BANK1: variants seen among roughly 807,000 people sequenced by gnomAD.
The protein encoded by BANK1 is B-cell scaffold protein with ankyrin repeats.
BANK1 carries 95 observed loss-of-function variants against 94.5 expected under a neutral mutation model. That is an observed-to-expected ratio of 1.00 (90% confidence interval 0.85 to 1.19). BANK1 has a LOEUF of 1.19. BANK1 is among the 50% of genes most tolerant of loss of function. The pLI, the probability that BANK1 is intolerant of heterozygous loss-of-function variation, is 0.00. For synonymous variants in BANK1, 334 were observed against 308.4 expected (o/e 1.08, Z -0.87); for missense variants, 987 against 932.2 (o/e 1.06, Z -0.77).
intron 7 of BANK1, among the ~76,000 whole-genome samples, chr4:101,943,170 A>G (rs1191019104): frequency 6.6e-6 from 1 of 151,982 alleles, no homozygotes; most frequent in African/African-American, 2.4e-5. Flanking sequence ...TATGTGACAT[A>G]TGACAGGAGA....
intron 11 of BANK1, among the ~76,000 whole-genome samples, chr4:102,052,875 C>T (rs574312756): frequency 6.6e-5 from 10 of 152,044 alleles, no homozygotes; most frequent in African/African-American, 2.2e-4. Context: ...TGAGGTTAGG[C>T]TGAGATGAAA....
chr4:101,800,124 T>G (rs67330256), intron 1 of BANK1, among the ~76,000 whole-genome samples: 2 of 80,556 alleles, frequency 2.5e-5, no homozygotes, highest in Non-Finnish European at 2.4e-5. Context: ...CACACCAGGG[T>G]TTGTTGTTGG....
chr4:101,975,351 T>G (rs1426883124), intron 7 of BANK1, among the ~76,000 whole-genome samples: 1 of 152,188 alleles, frequency 6.6e-6, no homozygotes, highest in Non-Finnish European at 1.5e-5. Context: ...GAGTTGTTCA[T>G]GTAAGTCTAG....
At chr4:101,883,809 T>G (rs1484171913) in intron 5 of BANK1, among the ~76,000 whole-genome samples, 1 of 152,240 alleles carries the variant, frequency 6.6e-6, no homozygotes, top group Non-Finnish European at 1.5e-5. Flanking sequence ...TCTTTACAAC[T>G]ACTATTCCAT....
chr4:101,818,648 T>A (rs1051534164), intron 1 of BANK1, among the ~76,000 whole-genome samples: 2 of 152,146 alleles, frequency 1.3e-5, no homozygotes, highest in African/African-American at 4.8e-5. Flanking sequence ...GAAACCACAT[T>A]TTCACATAAC....
intron 2 of BANK1, among the ~76,000 whole-genome samples, chr4:101,853,365 A>G (rs545021053): frequency 1.3e-5 from 2 of 152,246 alleles, no homozygotes; most frequent in African/African-American, 4.8e-5. Context: ...TTTTGGATAC[A>G]GTGAGACCAA....
rs544839046 is a variant in BANK1, at chr4:101,947,267, T to C, written c.1206+29078T>C. The stretch of plus-strand genomic sequence containing the variant: ...TTTCAGGGGAAGTGAGAGAGGGTTG[T>C]GTTTGAAGAAGTTGTAAATATATAT... On this transcript the variant is annotated intron_variant, in intron 7 of 16. Coordinates refer to ENST00000322953, the MANE Select transcript of BANK1 (RefSeq NM_017935.5). 2.0e-3 allele frequency among the ~76,000 whole-genome samples: 213 copies of C among 107,754 alleles called. 1 individual carries two copies. Among genetic ancestry groups the C allele is most frequent in the Non-Finnish European group, 3.4e-3 (170 of 49,410 alleles). 70.7% of individuals were successfully genotyped at this position (107,754 alleles called of 152,430 possible).
intron 11 of BANK1, among the ~76,000 whole-genome samples, chr4:102,045,089 T>G (rs1342651994): frequency 2.0e-4 from 30 of 152,242 alleles, no homozygotes; most frequent in East Asian, 3.9e-4. Context: ...TGGTGTTTTA[T>G]ACATGAAGTC....
intron 2 of BANK1, among the ~76,000 whole-genome samples, chr4:101,846,503 A>C (rs567122586): frequency 6.6e-6 from 1 of 152,250 alleles, no homozygotes; most frequent in South Asian, 2.1e-4. Flanking sequence ...AATTTTTAAG[A>C]CTGGGTAATT....
intron 9 of BANK1, among the ~76,000 whole-genome samples, chr4:102,027,935 CTT>C (rs1355181999): frequency 2.6e-5 from 4 of 152,024 alleles, no homozygotes; most frequent in Non-Finnish European, 5.9e-5. Context: ...GGATTTTTCT[CTT>C]TTTTATACAG....
chr4:101,940,551 A>G (rs1038445889), intron 7 of BANK1, among the ~76,000 whole-genome samples: 1 of 151,704 alleles, frequency 6.6e-6, no homozygotes, highest in Non-Finnish European at 1.5e-5. Context: ...TTTGTTTGTC[A>G]TTATCTCTTT....
Position 101,830,122 on chromosome 4 carries a change from A to C in BANK1, c.385A>C (p.Asn129His). Residue 129 changes from asparagine (N) to histidine (H), a missense_variant, in exon 2 of 17, where the codon AAT (asparagine) becomes CAT (histidine). Asn to His is a moderately conservative substitution (Grantham distance 68). Coordinates refer to ENST00000322953, the MANE Select transcript of BANK1 (RefSeq NM_017935.5). ...KSSDQLYELL[N>H]ISQSRWEIST... is the part of the protein sequence containing the mutation. Reference sequence around the variant, plus strand: ...TTCAGATCAGCTCTATGAATTACTAAATATCTCTCAAAGCAGATGGGAGAT... The same window carrying C: ...TTCAGATCAGCTCTATGAATTACTACATATCTCTCAAAGCAGATGGGAGAT... 6.2e-7 allele frequency: 1 copy of C among 1,612,100 alleles called. No individual in the cohort carries two copies. Among genetic ancestry groups the C allele is most frequent in the South Asian group, 1.1e-5 (1 of 90,534 alleles).
intron 11 of BANK1, among the ~76,000 whole-genome samples, chr4:102,057,621 G>A (rs960550989): frequency 6.6e-6 from 1 of 152,092 alleles, no homozygotes; most frequent in African/African-American, 2.4e-5. Flanking sequence ...GTCAGCCACT[G>A]CACCTGGACC....
intron 6 of BANK1, among the ~76,000 whole-genome samples, chr4:101,916,763 C>G (rs1400585886): frequency 6.6e-6 from 1 of 151,924 alleles, no homozygotes; most frequent in Non-Finnish European, 1.5e-5. Context: ...TTGGCTGAAA[C>G]AACTGAAAAC....
At chr4:101,903,628 C>T (rs1722352660) in intron 6 of BANK1, among the ~76,000 whole-genome samples, 1 of 152,168 alleles carries the variant, frequency 6.6e-6, no homozygotes, top group African/African-American at 2.4e-5. Flanking sequence ...CCTCAGCCTC[C>T]TTTGTGAATT....
chr4:101,798,835 A>G (rs1198680169), intron 1 of BANK1, among the ~76,000 whole-genome samples: 6 of 151,994 alleles, frequency 3.9e-5, no homozygotes, highest in Admixed American at 2.0e-4. Flanking sequence ...AAATTTGTGT[A>G]AGTTCTTTGT....
intron 1 of BANK1, among the ~76,000 whole-genome samples, chr4:101,826,724 C>T (rs571509357): frequency 2.0e-4 from 30 of 151,890 alleles, no homozygotes; most frequent in Admixed American, 5.9e-4. Flanking sequence ...ATACAACTTA[C>T]GTGTGATTCC....
intron 5 of BANK1, among the ~76,000 whole-genome samples, chr4:101,876,948 G>T (rs1006796665): frequency 6.6e-6 from 1 of 151,978 alleles, no homozygotes; most frequent in African/African-American, 2.4e-5. Flanking sequence ...AATTGGTCAT[G>T]CAGAAGAAAG....
intron 7 of BANK1, among the ~76,000 whole-genome samples, chr4:101,963,450 C>T (rs982878663): frequency 3.9e-5 from 6 of 152,060 alleles, no homozygotes; most frequent in African/African-American, 1.4e-4. Context: ...TTCTTCATTT[C>T]GGCCTTGGAC....
Sources: gnomAD v4.1 joint callset for allele counts (sites outside exome capture counted in the v4.1 genomes callset) on GRCh38, gnomAD v4.1.1 for gene constraint, MANE v1.5 for transcripts, NCBI Gene and HGNC (gene_info 2026-07-23, HGNC 2026-07-21) for gene names.